PISD: variants seen among roughly 807,000 people sequenced by gnomAD.
PISD encodes the protein phosphatidylserine decarboxylase proenzyme, mitochondrial.
PISD carries 31 observed loss-of-function variants against 43.5 expected under a neutral mutation model. That is an observed-to-expected ratio of 0.71 (90% CI 0.54 to 0.96). The LOEUF (loss-of-function observed/expected upper bound fraction) is 0.96. Among genes scored for constraint, PISD ranks in the 40% least tolerant of loss-of-function variants. The pLI is 0.00. For synonymous variants in PISD, 259 were observed against 228.7 expected (o/e 1.13, Z -1.20); for missense variants, 523 against 548.4 (o/e 0.95, Z 0.46).
At chr22:31,638,538 A>C in intron 3 of PISD, 1 of 985,394 alleles carries the variant, frequency 1.0e-6, no homozygotes, top group Non-Finnish European at 1.2e-6. Flanking sequence ...CAGCTGCCCC[A>C]AGAGAGGCAA....
intron 1 of PISD, among the ~76,000 whole-genome samples, chr22:31,651,375 G>C (rs1298375928): frequency 6.6e-6 from 1 of 152,228 alleles, no homozygotes; most frequent in Non-Finnish European, 1.5e-5. Flanking sequence ...AGAGATGGAA[G>C]ATGATAAAGC....
rs746053435 is a variant in PISD, at chr22:31,621,111, C to G, written c.729G>C (p.Leu243=). 1.4e-5 allele frequency: 22 copies of G among 1,614,060 alleles called. No individual in the cohort carries two copies. In the South Asian group the frequency reaches 2.4e-4, roughly 18 times the overall value. ...AASCDSFKNQ[L]VTREGNELYH... is the part of the protein sequence containing the mutation. ...AGAGCTCATTCCCTTCCCGGGTGAC[C>G]AGCTGGTTCTTGAAGGAGTCACACG... Residue 243 remains leucine (L), a synonymous_variant, in exon 6 of 8, where the codon CTG becomes CTC. Coordinates refer to ENST00000439502, the MANE Select transcript of PISD (RefSeq NM_001326411.2).
intron 1 of PISD, among the ~76,000 whole-genome samples, chr22:31,655,716 C>A (rs1157013448): frequency 6.6e-6 from 1 of 151,926 alleles, no homozygotes; most frequent in Non-Finnish European, 1.5e-5. Flanking sequence ...CTCACTGCAA[C>A]CTCCGCCTCC....
At chr22:31,661,683 C>T (rs2074320787) in intron 1 of PISD, among the ~76,000 whole-genome samples, 1 of 152,164 alleles carries the variant, frequency 6.6e-6, no homozygotes, top group African/African-American at 2.4e-5. Flanking sequence ...AAGACTCTAG[C>T]CCCATAACAT....
chr22:31,655,316 C>T (rs1380366655), intron 1 of PISD, among the ~76,000 whole-genome samples: 4 of 145,158 alleles, frequency 2.8e-5, no homozygotes, highest in South Asian at 2.2e-4. Flanking sequence ...GTACAACCCC[C>T]TTTTTTTTTT....
intron 3 of PISD, among the ~76,000 whole-genome samples, chr22:31,642,349 G>A (rs535758086): frequency 6.6e-6 from 1 of 151,138 alleles, no homozygotes; most frequent in Non-Finnish European, 1.5e-5. Context: ...CAGCTACTTG[G>A]GAGGCTGAGG....
At chr22:31,647,672 G>A (rs1018850218) in intron 3 of PISD, among the ~76,000 whole-genome samples, 3 of 152,182 alleles carry the variant, frequency 2.0e-5, no homozygotes, top group African/African-American at 7.2e-5. Flanking sequence ...CCTATCGTGT[G>A]ACTATGATGG....
Position 31,618,542 on chromosome 22 carries a change from C to A in PISD, c.*1070G>T. 2 of 1,027,664 alleles carry A rather than the reference C, an allele frequency of 1.9e-6. No individual in the cohort carries two copies. The highest frequency in any genetic ancestry group is 2.7e-6 in the Non-Finnish European group (2 of 747,474). The allele number at this position is 1,027,664 out of a possible 1,614,324, so 63.7% of individuals were successfully genotyped here. ...AAATGCTTTGCAATTAAATGAATTA[C>A]TGTTCAGAAGTCTCCCACTTTTCAT... On this transcript the variant is annotated 3_prime_UTR_variant, in exon 8 of 8. Transcript: ENST00000439502.
rs1053181488 is a variant in PISD at position 31,654,941 on chromosome 22, T to C, written c.66-4163A>G. Among the ~76,000 whole-genome samples, 11 of 151,882 alleles carry C rather than the reference T, an allele frequency of 7.2e-5. No homozygotes were observed. The East Asian group carries it at 1.2e-3, about 16-fold the overall frequency. ...AATCCAAAAAATTAGATGGGCGTGG[T>C]GGTGTGCCCCTGTAATCCCAGCTAC... On this transcript the variant is annotated intron_variant, in intron 1 of 7. Coordinates refer to ENST00000439502, the MANE Select transcript of PISD (RefSeq NM_001326411.2).
At chr22:31,641,568 G>C (rs1190104684) in intron 3 of PISD, among the ~76,000 whole-genome samples, 1 of 151,878 alleles carries the variant, frequency 6.6e-6, no homozygotes, top group Non-Finnish European at 1.5e-5. Flanking sequence ...TGTAATCCCA[G>C]CTTTGGGAGG....
In PISD at chr22:31,621,139, G is replaced by T. The variant is rs760199435; in HGVS notation, c.701C>A (p.Ala234Glu). The T allele has an allele frequency of 4.3e-6, 7 of 1,614,058 alleles. No homozygotes were observed. In the African/African-American group the frequency reaches 8.0e-5, roughly 18 times the overall value. ...CTEDLPFPPA[A>E]SCDSFKNQLV... ...CTGGTTCTTGAAGGAGTCACACGAC[G>T]CGGCTGTGGAGTAGGAGCAGACGTG... Residue 234 changes from alanine to glutamate, a missense_variant, in exon 6 of 8, where the codon GCG becomes GAG. Ala to Glu is a moderately radical substitution (Grantham distance 107, BLOSUM62 -1). Transcript: ENST00000439502.
chr22:31,631,936 A>G (rs5753733), intron 3 of PISD, among the ~76,000 whole-genome samples: 53,771 of 152,134 alleles, frequency 0.35, 10,558 homozygotes, highest in African/African-American at 0.53. Flanking sequence ...CTAAGGCATG[A>G]AGGCTCATGC....
chr22:31,621,505 G>A (rs563989687), intron 4 of PISD, 33 bp from the exon 5 acceptor site: 2 of 1,613,204 alleles, frequency 1.2e-6, no homozygotes, highest in East Asian at 2.2e-5. Flanking sequence ...CTGCCAGGGA[G>A]AGCAGGGTCT....
intron 1 of PISD, among the ~76,000 whole-genome samples, chr22:31,659,947 T>C (rs967953245): frequency 2.0e-5 from 3 of 152,136 alleles, no homozygotes; most frequent in African/African-American, 7.2e-5. Flanking sequence ...AAGGAATCTC[T>C]ATTTCTAACA....
intron 3 of PISD, among the ~76,000 whole-genome samples, chr22:31,639,216 G>T (rs1252444768): frequency 1.3e-5 from 2 of 149,702 alleles, no homozygotes; most frequent in African/African-American, 5.0e-5. Context: ...TCATTGACCA[G>T]GCTGGAGTGC....
At chr22:31,648,562 C>A (rs1011729127) in intron 2 of PISD, among the ~76,000 whole-genome samples, 3 of 151,400 alleles carry the variant, frequency 2.0e-5, no homozygotes, top group Non-Finnish European at 4.4e-5. Flanking sequence ...CCCAGCTACT[C>A]GGGAGGCTGA....
chr22:31,640,877 G>A (rs2073687146), intron 3 of PISD, among the ~76,000 whole-genome samples: 3 of 32,226 alleles, frequency 9.3e-5, no homozygotes, highest in African/African-American at 2.7e-4. Flanking sequence ...CACCACACCC[G>A]GTGTTTTTTT....
intron 2 of PISD, 73 bp downstream of exon 2, chr22:31,650,626 A>T: frequency 1.2e-6 from 1 of 831,338 alleles, no homozygotes. Flanking sequence ...CAACAACCCT[A>T]TGTTTATCCC....
chr22:31,644,848 G>A (rs1205242488), intron 3 of PISD, among the ~76,000 whole-genome samples: 1 of 152,184 alleles, frequency 6.6e-6, no homozygotes, highest in Non-Finnish European at 1.5e-5. Flanking sequence ...GTTTTGGCCG[G>A]GCATGGTGGC....
Sources: allele counts gnomAD v4.1 joint callset (sites outside exome capture counted in the v4.1 genomes callset), GRCh38; gene constraint gnomAD v4.1.1; transcripts MANE v1.5; gene names NCBI Gene and HGNC (gene_info 2026-07-23, HGNC 2026-07-21).